PSTPIP2: variants seen among roughly 807,000 people sequenced by gnomAD.
PSTPIP2 encodes proline-serine-threonine phosphatase-interacting protein 2.
Under a neutral mutation model 63.3 loss-of-function variants are expected in PSTPIP2, and 33 were observed. The observed-to-expected ratio is 0.52, with a 90% CI of 0.40 to 0.70. The LOEUF (loss-of-function observed/expected upper bound fraction) is 0.70. PSTPIP2 is among the 30% of genes least tolerant of loss of function. The pLI is 0.00. For synonymous variants in PSTPIP2, 125 were observed against 132.7 expected, an observed-to-expected ratio of 0.94 and a Z score of 0.40; for missense variants, 312 against 400.7, an observed-to-expected ratio of 0.78 and a Z score of 1.89.
At position 46,011,407 on chromosome 18, in the gene PSTPIP2, A is replaced by C. The variant is rs1013032987; in HGVS notation, c.248-120T>G. 1.3e-5 allele frequency: 10 copies of C among 777,378 alleles called. No individual in the cohort carries two copies. The African/African-American group carries it at 1.8e-4, about 14-fold the overall frequency. The allele number at this position is 777,378 out of a possible 1,614,324, so 48.2% of individuals were successfully genotyped here. ...TGGAGTAAGTGGTAAAATCAACATC[A>C]CTTCATTTGGTCACCAACATGTATT... On this transcript the variant is annotated intron_variant, in intron 4 of 14. Coordinates refer to ENST00000409746, the MANE Select transcript of PSTPIP2 (RefSeq NM_024430.4).
At chr18:45,988,554 C>T (rs77218657) in intron 14 of PSTPIP2, 148 bp downstream of exon 14, 11 of 652,302 alleles carry the variant, frequency 1.7e-5, no homozygotes, top group Non-Finnish European at 1.6e-5. Context: ...ACAGAGGTGT[C>T]CTGAAGGGAC....
chr18:46,049,195 C>A (rs1476204813), intron 1 of PSTPIP2, among the ~76,000 whole-genome samples: 1 of 151,966 alleles, frequency 6.6e-6, no homozygotes, highest in Non-Finnish European at 1.5e-5. Flanking sequence ...AGCATAATAG[C>A]CAACTAACAC....
chr18:46,008,555 G>T (rs1445736888), intron 5 of PSTPIP2, among the ~76,000 whole-genome samples: 1 of 151,960 alleles, frequency 6.6e-6, no homozygotes, highest in Admixed American at 6.6e-5. Flanking sequence ...CAGGTGATGC[G>T]CCCACCTCGG....
At chr18:46,063,092 G>A (rs965256613) in intron 1 of PSTPIP2, among the ~76,000 whole-genome samples, 3 of 152,226 alleles carry the variant, frequency 2.0e-5, no homozygotes, top group African/African-American at 7.2e-5. Context: ...AGCTTCAACC[G>A]CATGGACTCA....
At chr18:46,066,392 T>C (rs1909190530) in intron 1 of PSTPIP2, among the ~76,000 whole-genome samples, 1 of 152,176 alleles carries the variant, frequency 6.6e-6, no homozygotes, top group South Asian at 2.1e-4. Flanking sequence ...CTCATCTTCT[T>C]GAGTAGCTAA....
At chr18:45,998,902 A>G (rs748842700) in intron 7 of PSTPIP2, 63 bp from the exon 8 acceptor site, 40 of 1,559,594 alleles carry the variant, frequency 2.6e-5, no homozygotes, top group Non-Finnish European at 2.8e-5. Flanking sequence ...CGAGGCTTCC[A>G]CAGGCAAAAC....
chr18:46,011,002 G>A (rs2051789386), intron 5 of PSTPIP2, 179 bp downstream of exon 5: 1 of 576,486 alleles, frequency 1.7e-6, no homozygotes, highest in African/African-American at 1.9e-5. Flanking sequence ...CAACTGGCCT[G>A]GGGTGTAGAA....
chr18:46,018,400 CTT>C (rs60170978), intron 3 of PSTPIP2, among the ~76,000 whole-genome samples: 1 of 147,606 alleles, frequency 6.8e-6, no homozygotes, highest in Non-Finnish European at 1.5e-5. Flanking sequence ...TCGTTGATAT[CTT>C]TTTTTTTTTC....
intron 4 of PSTPIP2, among the ~76,000 whole-genome samples, chr18:46,013,854 C>T (rs2051826072): frequency 6.6e-6 from 1 of 152,148 alleles, no homozygotes. Flanking sequence ...ACAACTGTGA[C>T]ATTGGTATTT....
At position 45,997,804 on chromosome 18, in the gene PSTPIP2, C is replaced by G; in HGVS notation, c.587G>C (p.Gly196Ala). Reference protein sequence around the residue: ...DSDKAYMLHIGTLDKVREEWQ... With the variant: ...DSDKAYMLHIATLDKVREEWQ... ...CTCTTCTCGGACCTTATCCAGGGTG[C>G]CGATGTGCAGCATGTATGCTTTGTC... The change falls in exon 9 of 15, where the codon GGC (glycine) becomes GCC (alanine). Residue 196 changes from glycine to alanine, a missense_variant. Coordinates refer to ENST00000409746, the MANE Select transcript of PSTPIP2 (RefSeq NM_024430.4). The G allele has an allele frequency of 6.5e-7, 1 of 1,548,996 alleles. No individual in the cohort carries two copies. The highest frequency in any genetic ancestry group is 8.7e-7 in the Non-Finnish European group (1 of 1,144,302).
At chr18:45,998,100 AC>A (rs2051622144) in intron 8 of PSTPIP2, among the ~76,000 whole-genome samples, 1 of 152,040 alleles carries the variant, frequency 6.6e-6, no homozygotes, top group Non-Finnish European at 1.5e-5. Context: ...CTGATAAGAA[AC>A]CTCAGCCAGG....
At chr18:46,020,949 A>T (rs1344573640) in intron 3 of PSTPIP2, among the ~76,000 whole-genome samples, 1 of 152,230 alleles carries the variant, frequency 6.6e-6, no homozygotes, top group Non-Finnish European at 1.5e-5. Flanking sequence ...TCTGCTAAAT[A>T]TCTTTTGCAG....
chr18:46,008,545 C>T (rs1201054284), intron 5 of PSTPIP2, among the ~76,000 whole-genome samples: 5 of 152,120 alleles, frequency 3.3e-5, no homozygotes, highest in African/African-American at 1.2e-4. Flanking sequence ...CTCCTGACCT[C>T]AGGTGATGCG....
intron 1 of PSTPIP2, among the ~76,000 whole-genome samples, chr18:46,045,952 C>T (rs1908369554): frequency 6.6e-6 from 1 of 152,120 alleles, no homozygotes; most frequent in African/African-American, 2.4e-5. Flanking sequence ...TCAACAACAA[C>T]AAAAAACCAA....
At chr18:46,050,981 A>G (rs540715563) in intron 1 of PSTPIP2, among the ~76,000 whole-genome samples, 34 of 151,634 alleles carry the variant, frequency 2.2e-4, no homozygotes, top group Middle Eastern at 3.4e-3. Context: ...TCCTGCCTCA[A>G]CCTCCCAAGT....
At chr18:46,063,658 T>A (rs754348215) in intron 1 of PSTPIP2, among the ~76,000 whole-genome samples, 12 of 151,990 alleles carry the variant, frequency 7.9e-5, no homozygotes, top group Non-Finnish European at 1.3e-4. Context: ...TATACAAAAA[T>A]ATATATTTTA....
At position 46,065,144 on chromosome 18, in the gene PSTPIP2, C is replaced by CA. The variant is rs35144990; in HGVS notation, c.33+7011dup. Among the ~76,000 whole-genome samples, 247 of 80,604 alleles carry CA rather than the reference C, an allele frequency of 3.1e-3. 3 individuals carry two copies. The highest frequency in any genetic ancestry group is 8.8e-3 in the East Asian group (16 of 1,826). The allele number at this position is 80,604 out of a possible 152,430, so 52.9% of individuals were successfully genotyped here. On this transcript the variant is annotated intron_variant, in intron 1 of 14. Transcript: ENST00000409746. ...GGGCAACAAGAACGAAACTCTGTCT[C>CA]AAAAAAAAAAAAAAAAAAAAGAAAA...
chr18:46,020,437 GAGGTC>G (rs1184404741), intron 3 of PSTPIP2, among the ~76,000 whole-genome samples: 1 of 152,034 alleles, frequency 6.6e-6, no homozygotes, highest in Non-Finnish European at 1.5e-5. Flanking sequence ...GGTGGATCAC[GAGGTC>G]AGGAGTTCAA....
At chr18:46,051,178 CA>C (rs965592380) in intron 1 of PSTPIP2, among the ~76,000 whole-genome samples, 1 of 151,946 alleles carries the variant, frequency 6.6e-6, no homozygotes, top group Non-Finnish European at 1.5e-5. Context: ...ATTCTCATAA[CA>C]AAAATTGAAC....
Sources: gnomAD v4.1 joint callset for allele counts (sites outside exome capture counted in the v4.1 genomes callset) on GRCh38, gnomAD v4.1.1 for gene constraint, MANE v1.5 for transcripts, NCBI Gene and HGNC (gene_info 2026-07-23, HGNC 2026-07-21) for gene names.